Variants in MMP16 observed in about 807,000 individuals in gnomAD.
MMP16 encodes the protein matrix metallopeptidase 16.
Under a neutral mutation model 67.8 loss-of-function variants are expected in MMP16, and 12 were observed. The ratio of observed to expected loss-of-function variants is 0.18; its 90% CI spans 0.11 to 0.29. The LOEUF (loss-of-function observed/expected upper bound fraction) is 0.29. MMP16 is among the 10% of genes least tolerant of loss of function. The probability of loss-of-function intolerance (pLI) is 1.00; values close to 1 mark genes in which losing one functional copy is unlikely to be tolerated. For synonymous variants in MMP16, 249 were observed against 255.9 expected, an observed-to-expected ratio of 0.97 and a Z score of 0.26; for missense variants, 475 against 765.7, an observed-to-expected ratio of 0.62 and a Z score of 4.48.
intron 4 of MMP16, among the ~76,000 whole-genome samples, chr8:88,140,337 C>T (rs1350483787): frequency 6.6e-6 from 1 of 152,108 alleles, no homozygotes; most frequent in Non-Finnish European, 1.5e-5. Flanking sequence ...AAAGGGTTAG[C>T]TCTAGTTAGA....
intron 6 of MMP16, among the ~76,000 whole-genome samples, chr8:88,077,612 A>G (rs1193915680): frequency 6.6e-6 from 1 of 152,206 alleles, no homozygotes; most frequent in African/African-American, 2.4e-5. Flanking sequence ...ACAGTCCCCT[A>G]TTTCCAGAAA....
intron 2 of MMP16, among the ~76,000 whole-genome samples, chr8:88,195,069 A>G (rs1200640747): frequency 6.6e-6 from 1 of 151,930 alleles, no homozygotes; most frequent in East Asian, 1.9e-4. Context: ...ATTCCTCCAC[A>G]TTTTTTACAT....
At chr8:88,136,318 A>G (rs949399722) in intron 4 of MMP16, among the ~76,000 whole-genome samples, 1 of 151,878 alleles carries the variant, frequency 6.6e-6, no homozygotes, top group Admixed American at 6.6e-5. Context: ...CAAACTGCAG[A>G]GGTCTGCCAT....
At chr8:88,325,958 G>A (rs1811530608) in intron 1 of MMP16, among the ~76,000 whole-genome samples, 1 of 152,120 alleles carries the variant, frequency 6.6e-6, no homozygotes, top group Non-Finnish European at 1.5e-5. Context: ...CATGAAGCAT[G>A]TTCAAATACT....
At chr8:88,130,294 A>G (rs1808006429) in intron 4 of MMP16, among the ~76,000 whole-genome samples, 1 of 151,804 alleles carries the variant, frequency 6.6e-6, no homozygotes, top group African/African-American at 2.4e-5. Context: ...GCACATACCA[A>G]TAAAATCAGA....
chr8:88,280,955 A>G (rs769319637), intron 1 of MMP16, among the ~76,000 whole-genome samples: 10 of 152,144 alleles, frequency 6.6e-5, no homozygotes, highest in Non-Finnish European at 1.3e-4. Context: ...ATATTTTAAT[A>G]TATCAGTACA....
At chr8:88,189,678 T>C (rs1051039256) in intron 2 of MMP16, among the ~76,000 whole-genome samples, 2 of 152,208 alleles carry the variant, frequency 1.3e-5, no homozygotes, top group African/African-American at 4.8e-5. Context: ...CAAAATCCAA[T>C]TGAGTTCCTA....
chr8:88,113,049 A>G (rs1400496432), intron 6 of MMP16, among the ~76,000 whole-genome samples: 2 of 151,844 alleles, frequency 1.3e-5, no homozygotes. Flanking sequence ...CATCGTATAA[A>G]AATAATATTG....
chr8:88,135,805 G>C (rs1808109365), intron 4 of MMP16, among the ~76,000 whole-genome samples: 1 of 151,944 alleles, frequency 6.6e-6, no homozygotes, highest in East Asian at 1.9e-4. Flanking sequence ...AACTATAGCA[G>C]GTCTGGGGAC....
chr8:88,139,698 G>A (rs890742361), intron 4 of MMP16, among the ~76,000 whole-genome samples: 3 of 151,912 alleles, frequency 2.0e-5, no homozygotes, highest in Admixed American at 1.3e-4. Context: ...TAAATATAAT[G>A]TTAATGTTAA....
chr8:88,259,656 G>C (rs895963488), intron 1 of MMP16, among the ~76,000 whole-genome samples: 4 of 151,996 alleles, frequency 2.6e-5, no homozygotes, highest in African/African-American at 4.8e-5. Context: ...AAGGGAAGGG[G>C]AAGGGATTCC....
chr8:88,083,944 A>T (rs907022378), intron 6 of MMP16, among the ~76,000 whole-genome samples: 1 of 152,074 alleles, frequency 6.6e-6, no homozygotes, highest in Admixed American at 6.6e-5. Context: ...GCAGATTCAC[A>T]TGCAATTATA....
At chr8:88,073,145 C>G (rs1808589849) in intron 7 of MMP16, among the ~76,000 whole-genome samples, 1 of 152,166 alleles carries the variant, frequency 6.6e-6, no homozygotes, top group South Asian at 2.1e-4. Context: ...TTTGTTGCTA[C>G]TACTCATGGG....
At chr8:88,206,694 G>A (rs1809432406) in intron 1 of MMP16, among the ~76,000 whole-genome samples, 1 of 152,170 alleles carries the variant, frequency 6.6e-6, no homozygotes, top group Admixed American at 6.5e-5. Context: ...AATATCAGAA[G>A]TGTTTTGGTC....
intron 7 of MMP16, among the ~76,000 whole-genome samples, chr8:88,074,347 A>G (rs2118281039): frequency 6.6e-6 from 1 of 152,302 alleles, no homozygotes; most frequent in African/African-American, 2.4e-5. Context: ...ATATCTATTA[A>G]TCTTTTTTTT....
At chr8:88,293,838 CT>C (rs1344749200) in intron 1 of MMP16, among the ~76,000 whole-genome samples, 1 of 152,090 alleles carries the variant, frequency 6.6e-6, no homozygotes, top group Non-Finnish European at 1.5e-5. Flanking sequence ...TTACATAAAG[CT>C]ATCTTAGTTA....
intron 1 of MMP16, among the ~76,000 whole-genome samples, chr8:88,245,013 G>C (rs1367783098): frequency 6.6e-6 from 1 of 152,074 alleles, no homozygotes; most frequent in African/African-American, 2.4e-5. Flanking sequence ...GGGGCAGGTG[G>C]TTAAGGCCCA....
intron 1 of MMP16, among the ~76,000 whole-genome samples, chr8:88,210,381 G>C (rs1240742881): frequency 6.6e-6 from 1 of 152,138 alleles, no homozygotes; most frequent in African/African-American, 2.4e-5. Flanking sequence ...ACAGCTCCTG[G>C]CACATTTTCT....
At chr8:88,096,842 A>G (rs1341351046) in intron 6 of MMP16, among the ~76,000 whole-genome samples, 1 of 152,008 alleles carries the variant, frequency 6.6e-6, no homozygotes. Flanking sequence ...CCATGATTGG[A>G]AACGCGAGAA....
Sources: gnomAD v4.1 joint callset for allele counts (sites outside exome capture counted in the v4.1 genomes callset) on GRCh38, gnomAD v4.1.1 for gene constraint, MANE v1.5 for transcripts, NCBI Gene and HGNC (gene_info 2026-07-23, HGNC 2026-07-21) for gene names.